PIK3R3: variants seen among roughly 807,000 people sequenced by gnomAD.
PIK3R3 encodes the protein phosphatidylinositol 3-kinase regulatory subunit gamma.
PIK3R3 carries 64 observed loss-of-function variants against 62.9 expected under a neutral mutation model. The observed-to-expected ratio is 1.02, with a 90% confidence interval of 0.83 to 1.25. PIK3R3 has a LOEUF of 1.25. Among genes scored for constraint, PIK3R3 ranks in the 50% most tolerant of loss-of-function variants. PIK3R3 has a pLI of 0.00. For synonymous variants in PIK3R3, 165 were observed against 189.0 expected, an observed-to-expected ratio of 0.87 and a Z score of 1.04; for missense variants, 614 against 561.6, an observed-to-expected ratio of 1.09 and a Z score of -0.94.
At chr1:46,111,022 G>C (rs1264094615) in intron 1 of PIK3R3, among the ~76,000 whole-genome samples, 1 of 152,070 alleles carries the variant, frequency 6.6e-6, no homozygotes, top group Non-Finnish European at 1.5e-5. Flanking sequence ...GTAGCCTCTA[G>C]CAAGTAAGAT....
At chr1:46,075,572 T>G (rs1649992832) in intron 3 of PIK3R3, among the ~76,000 whole-genome samples, 1 of 151,570 alleles carries the variant, frequency 6.6e-6, no homozygotes, top group Non-Finnish European at 1.5e-5. Flanking sequence ...CAGTGAGCCA[T>G]GACCATGCCA....
intron 6 of PIK3R3, among the ~76,000 whole-genome samples, chr1:46,061,426 T>C (rs1456283482): frequency 6.6e-6 from 1 of 152,242 alleles, no homozygotes; most frequent in Non-Finnish European, 1.5e-5. Context: ...TACAGTCTTG[T>C]TCTACTACAA....
chr1:46,163,423 GC>G, the PIK3R3 span, among the ~76,000 whole-genome samples: 28 of 152,336 alleles, frequency 1.8e-4, no homozygotes, highest in African/African-American at 6.5e-4. Flanking sequence ...TGTCAGGCTT[GC>G]CTGTGGGAGC....
intron 1 of PIK3R3, among the ~76,000 whole-genome samples, chr1:46,112,662 C>T (rs183728983): frequency 2.7e-4 from 41 of 152,272 alleles, no homozygotes; most frequent in Admixed American, 2.6e-3. Context: ...TGGAAGCATT[C>T]CATTCTCACT....
At chr1:46,130,375 T>C (rs988800898) in intron 1 of PIK3R3, among the ~76,000 whole-genome samples, 2 of 152,060 alleles carry the variant, frequency 1.3e-5, no homozygotes, top group African/African-American at 4.8e-5. Flanking sequence ...AAAGACACAA[T>C]AGATGGGTGG....
At chr1:46,062,125 C>G in intron 5 of PIK3R3, 54 bp from the exon 6 acceptor site, 1 of 1,503,976 alleles carries the variant, frequency 6.6e-7, no homozygotes, top group Non-Finnish European at 8.9e-7. Flanking sequence ...TTATTTTCTT[C>G]TAACCTTGGT....
At chr1:46,050,121 C>CAAAAA in intron 7 of PIK3R3, among the ~76,000 whole-genome samples, 1 of 79,000 alleles carries the variant, frequency 1.3e-5, no homozygotes, top group African/African-American at 4.9e-5. Context: ...AACTCTGTCT[C>CAAAAA]AAAAAAAAAA....
rs766374291 is a variant in PIK3R3 at position 46,043,848 on chromosome 1, C to A, written c.1211G>T (p.Cys404Phe). 9 of 1,613,724 alleles carry A rather than the reference C, an allele frequency of 5.6e-6. No homozygotes were observed. The Admixed American group carries it at 1.3e-4, about 24-fold the overall frequency. ...GCCCCGAGCAGTGCTGTAGATCACA[C>A]AGTGCTTCACTTCCCCATCGGCCCT... is the stretch of plus-strand genomic sequence containing the variant. ...SVVADGEVKH[C>F]VIYSTARGYG... Residue 404 changes from cysteine to phenylalanine, a missense_variant, in exon 10 of 10, where the codon TGT becomes TTT. Coordinates refer to ENST00000262741, the MANE Select transcript of PIK3R3 (RefSeq NM_003629.4).
intron 3 of PIK3R3, among the ~76,000 whole-genome samples, chr1:46,073,356 A>G (rs1649723277): frequency 6.6e-6 from 1 of 152,172 alleles, no homozygotes; most frequent in African/African-American, 2.4e-5. Flanking sequence ...CGGCCTACAG[A>G]GAAGGGCAAT....
At chr1:46,100,679 T>C (rs575711663) in intron 1 of PIK3R3, among the ~76,000 whole-genome samples, 8 of 152,330 alleles carry the variant, frequency 5.3e-5, no homozygotes, top group African/African-American at 1.9e-4. Context: ...ATTGAACTTA[T>C]AAATTAATTT....
At chr1:46,146,355 C>T in the PIK3R3 span, among the ~76,000 whole-genome samples, 21 of 152,186 alleles carry the variant, frequency 1.4e-4, no homozygotes, top group Admixed American at 5.2e-4. Flanking sequence ...TGACTTTCCT[C>T]ACCCACTTAC....
At position 46,042,148 on chromosome 1, in the gene PIK3R3, A is replaced by G. The variant is rs1300019454; in HGVS notation, c.*1525T>C. Reference sequence around the variant, plus strand: ...CAGAGGCAGCTGGACTCTATTTGTCAAATGAGTGTTGACTGATGGGTGTGG... The same window carrying G: ...CAGAGGCAGCTGGACTCTATTTGTCGAATGAGTGTTGACTGATGGGTGTGG... On this transcript the variant is annotated 3_prime_UTR_variant, in exon 10 of 10. Coordinates refer to ENST00000262741, the MANE Select transcript of PIK3R3 (RefSeq NM_003629.4). This position sits in a 1 kb window ranked among gnomAD's most constrained non-coding sequence, Gnocchi z 4.3. 4.5e-6 allele frequency: 1 copy of G among 220,502 alleles called. No homozygotes were observed. The highest frequency in any genetic ancestry group is 6.6e-5 in the East Asian group (1 of 15,120). 13.7% of individuals were successfully genotyped at this position (220,502 alleles called of 1,614,324 possible).
chr1:46,077,526 A>G lies in PIK3R3; in HGVS notation c.303T>C (p.Thr101=). 1 of 1,602,614 alleles carries G rather than the reference A, an allele frequency of 6.2e-7. No individual in the cohort carries two copies. The highest frequency in any genetic ancestry group is 8.5e-7 in the Non-Finnish European group (1 of 1,169,658). The change falls in exon 3 of 10, where the codon ACT becomes ACC. Residue 101 remains threonine (T), a synonymous_variant. Transcript: ENST00000262741. ...DASTKMQGDY[T]LTLRKGGNNK... is the part of the protein sequence containing the mutation. ...TGAAAAGTACTTACCGCAAAGTCAA[A>G]GTATAATCTCCCTGCATTTTTGTTG...
chr1:46,073,695 C>G lies in PIK3R3; in HGVS notation c.314+3820G>C, dbSNP rs1010563377. On this transcript the variant is annotated intron_variant, in intron 3 of 9. Transcript: ENST00000262741. Reference sequence around the variant, plus strand: ...AGTGCAGTGGCGCGATCTTGGCTCACTGCAACCTCCACCTCCCAGGTTCAA... The same window carrying G: ...AGTGCAGTGGCGCGATCTTGGCTCAGTGCAACCTCCACCTCCCAGGTTCAA... Among the ~76,000 whole-genome samples, 31 of 152,150 alleles carry G rather than the reference C, an allele frequency of 2.0e-4. 1 individual carries two copies. Among genetic ancestry groups the G allele is most frequent in the African/African-American group, 6.3e-4 (26 of 41,532 alleles).
chr1:46,061,210 C>G (rs1295448427), intron 6 of PIK3R3, among the ~76,000 whole-genome samples: 1 of 152,206 alleles, frequency 6.6e-6, no homozygotes, highest in Admixed American at 6.5e-5. Flanking sequence ...GTGAAAAACA[C>G]CATCTTCCAG....
At chr1:46,157,789 A>G in the PIK3R3 span, among the ~76,000 whole-genome samples, 14 of 152,326 alleles carry the variant, frequency 9.2e-5, no homozygotes, top group African/African-American at 3.1e-4. Flanking sequence ...TAGTTATCAG[A>G]CACCAAAACA....
rs370433427 is a variant in PIK3R3 at position 46,046,666 on chromosome 1, T to C, written c.942-41A>G. 10 of 1,394,308 alleles carry C rather than the reference T, an allele frequency of 7.2e-6. 1 individual carries two copies. The African/African-American group carries it at 9.9e-5, about 14-fold the overall frequency. The allele number at this position is 1,394,308 out of a possible 1,614,324, so 86.4% of individuals were successfully genotyped here. ...CACCAGTGTCAGTATCCATGCAAAC[T>C]CTGACTGGACAAAGTAGGTATGTCT... On this transcript the variant is annotated intron_variant, in intron 7 of 9. Coordinates refer to ENST00000262741, the MANE Select transcript of PIK3R3 (RefSeq NM_003629.4).
intron 1 of PIK3R3, among the ~76,000 whole-genome samples, chr1:46,129,219 A>G (rs1007444928): frequency 1.3e-5 from 2 of 152,174 alleles, no homozygotes; most frequent in Admixed American, 1.3e-4. Flanking sequence ...AGATTTCAAC[A>G]TGTAACTATT....
chr1:46,136,919 C>T (rs566224721), upstream of PIK3R3, among the ~76,000 whole-genome samples: 3 of 152,290 alleles, frequency 2.0e-5, no homozygotes, highest in South Asian at 6.2e-4. Flanking sequence ...CAAATTAGAT[C>T]CAAATGGCAG....
Sources: allele counts gnomAD v4.1 joint callset (sites outside exome capture counted in the v4.1 genomes callset), GRCh38; gene constraint gnomAD v4.1.1; non-coding constraint Gnocchi (gnomAD v3.1); transcripts MANE v1.5; gene names NCBI Gene and HGNC (gene_info 2026-07-23, HGNC 2026-07-21).